Variants in DIP2C observed in about 807,000 individuals in gnomAD.
DIP2C encodes DIP2 acetate--CoA ligase C (putative).
A neutral mutation model predicts 192.4 loss-of-function variants in DIP2C; 33 were observed. The ratio of observed to expected loss-of-function variants is 0.17; its 90% confidence interval spans 0.13 to 0.23. DIP2C has a LOEUF of 0.23. DIP2C is among the 10% of genes least tolerant of loss of function. The probability of loss-of-function intolerance (pLI) is 1.00; values close to 1 mark genes in which losing one functional copy is unlikely to be tolerated. For synonymous variants in DIP2C, 979 were observed against 864.1 expected (o/e 1.13, Z -2.33); for missense variants, 1,537 against 2,110.1 (o/e 0.73, Z 5.32).
intron 35 of DIP2C, chr10:282,273 G>T (rs1954872579): frequency 6.6e-6 from 1 of 152,262 alleles, no homozygotes; most frequent in Admixed American, 6.5e-5. Flanking sequence ...GCGGGACGTG[G>T]CTTTCCTGGC....
At chr10:438,615 C>T (rs542642595) in intron 4 of DIP2C, among the ~76,000 whole-genome samples, 22 of 152,032 alleles carry the variant, frequency 1.4e-4, no homozygotes, top group African/African-American at 5.1e-4. Flanking sequence ...CTCAGCCTCC[C>T]GAGCAGCTGG....
intron 29 of DIP2C, among the ~76,000 whole-genome samples, chr10:332,354 A>G (rs1048654456): frequency 2.0e-5 from 3 of 152,232 alleles, no homozygotes; most frequent in African/African-American, 7.2e-5. Flanking sequence ...GAGAATTTCA[A>G]ATATACTTGT....
At chr10:629,848 T>C (rs1854411612) in intron 1 of DIP2C, 1 of 152,284 alleles carries the variant, frequency 6.6e-6, no homozygotes, top group African/African-American at 2.4e-5. Flanking sequence ...ACTGCCCTCA[T>C]TTCTTTACAG....
intron 35 of DIP2C, 23 bp downstream of exon 35, chr10:283,249 G>C (rs1451035713): frequency 4.4e-6 from 7 of 1,580,848 alleles, no homozygotes; most frequent in Admixed American, 3.5e-5. Flanking sequence ...TGTTGGGGGG[G>C]GGCCGCCAGC....
chr10:473,088 C>G (rs982940811), intron 2 of DIP2C, among the ~76,000 whole-genome samples: 7 of 152,166 alleles, frequency 4.6e-5, no homozygotes, highest in Non-Finnish European at 1.0e-4. Flanking sequence ...CCATTGGATG[C>G]CAAGTGTTTT....
intron 1 of DIP2C, among the ~76,000 whole-genome samples, chr10:504,814 C>A (rs796326899): frequency 6.6e-6 from 1 of 152,212 alleles, no homozygotes; most frequent in African/African-American, 2.4e-5. Context: ...TAAACCAAAT[C>A]GCACTATGGC....
At chr10:329,638 AGCAAGGCTGGAGC>A in intron 29 of DIP2C, 37 bp from the exon 30 acceptor site, 1 of 433,814 alleles carries the variant, frequency 2.3e-6, no homozygotes, top group South Asian at 3.0e-5. Flanking sequence ...GCGGGAGCTC[AGCAAGGCTGGAGC>A]TCAGCAAGGC....
intron 1 of DIP2C, among the ~76,000 whole-genome samples, chr10:568,296 C>A (rs1312690449): frequency 6.6e-6 from 1 of 152,184 alleles, no homozygotes; most frequent in Non-Finnish European, 1.5e-5. Flanking sequence ...TTTCTCCTTG[C>A]AAATGAGGAG....
intron 1 of DIP2C, among the ~76,000 whole-genome samples, chr10:586,689 G>A (rs1646752146): frequency 6.6e-6 from 1 of 152,192 alleles, no homozygotes; most frequent in Non-Finnish European, 1.5e-5. Context: ...CATCTCAAGA[G>A]CCCCAATGAC....
chr10:480,865 C>T (rs1693244328), intron 2 of DIP2C, among the ~76,000 whole-genome samples: 1 of 152,238 alleles, frequency 6.6e-6, no homozygotes, highest in Non-Finnish European at 1.5e-5. Flanking sequence ...CCTGTCACTA[C>T]AGCAACGCGG....
At chr10:473,485 T>C (rs1006326924) in intron 2 of DIP2C, among the ~76,000 whole-genome samples, 1 of 150,860 alleles carries the variant, frequency 6.6e-6, no homozygotes, top group African/African-American at 2.5e-5. Flanking sequence ...ACGGCTCTGA[T>C]ATCACAGAAA....
intron 9 of DIP2C, among the ~76,000 whole-genome samples, chr10:402,722 T>C (rs1441266798): frequency 2.5e-3 from 47 of 18,558 alleles, no homozygotes; most frequent in African/African-American, 2.6e-3. Context: ...TGATTTTACA[T>C]GTGTGGTAGC....
chr10:544,699 C>G (rs1473235551), intron 1 of DIP2C, among the ~76,000 whole-genome samples: 1 of 152,168 alleles, frequency 6.6e-6, no homozygotes, highest in Non-Finnish European at 1.5e-5. Context: ...TGTTAAATAT[C>G]TCATGTGCTT....
At chr10:563,305 C>G (rs767945943) in intron 1 of DIP2C, among the ~76,000 whole-genome samples, 1 of 152,154 alleles carries the variant, frequency 6.6e-6, no homozygotes, top group African/African-American at 2.4e-5. Context: ...GAAAGCAGCA[C>G]GTATTTTTAT....
At chr10:446,518 T>TG (rs1968234526) in intron 3 of DIP2C, among the ~76,000 whole-genome samples, 1 of 152,364 alleles carries the variant, frequency 6.6e-6, no homozygotes, top group East Asian at 1.9e-4. Flanking sequence ...TAAGGCCCTG[T>TG]GTCTTCGGTA....
intron 1 of DIP2C, among the ~76,000 whole-genome samples, chr10:610,384 C>T (rs1296047959): frequency 6.6e-6 from 1 of 152,176 alleles, no homozygotes; most frequent in Non-Finnish European, 1.5e-5. Context: ...ATTGATAAAC[C>T]AGCAGGGGAA....
intron 3 of DIP2C, among the ~76,000 whole-genome samples, chr10:447,502 C>G (rs557345186): frequency 7.1e-4 from 106 of 149,642 alleles, no homozygotes; most frequent in African/African-American, 2.6e-3. Flanking sequence ...CACAGTGGGG[C>G]AGCAGGACCC....
At chr10:588,478 G>A (rs934038590) in intron 1 of DIP2C, among the ~76,000 whole-genome samples, 3 of 152,258 alleles carry the variant, frequency 2.0e-5, no homozygotes, top group African/African-American at 7.2e-5. Flanking sequence ...ATGCTGGAAT[G>A]AGAGGTCAGG....
intron 1 of DIP2C, among the ~76,000 whole-genome samples, chr10:490,892 AGTCACCAGCAGAAG>A (rs1350918460): frequency 7.9e-5 from 12 of 152,224 alleles, no homozygotes; most frequent in Admixed American, 2.0e-4. Context: ...AGTGAGGCAA[AGTCACCAGCAGAAG>A]GTCGAATGAG....
Sources: allele counts gnomAD v4.1 joint callset (sites outside exome capture counted in the v4.1 genomes callset), GRCh38; gene constraint gnomAD v4.1.1; transcripts MANE v1.5; gene names NCBI Gene and HGNC (gene_info 2026-07-23, HGNC 2026-07-21).